TSHR: variants seen among roughly 807,000 people sequenced by gnomAD.
TSHR encodes the protein thyroid stimulating hormone receptor.
TSHR carries 51 observed loss-of-function variants against 64.1 expected under a neutral mutation model. That is an observed-to-expected ratio of 0.80 (90% CI 0.64 to 1.01). The LOEUF is 1.01. Ranked by LOEUF, TSHR falls within the 50% of genes least tolerant of loss-of-function variation. The pLI is 0.00. For synonymous variants in TSHR, 361 were observed against 361.9 expected (o/e 1.00, Z 0.03); for missense variants, 877 against 942.8 (o/e 0.93, Z 0.91).
chr14:81,021,870 A>G (rs1248908607), intron 1 of TSHR, among the ~76,000 whole-genome samples: 1 of 152,198 alleles, frequency 6.6e-6, no homozygotes, highest in African/African-American at 2.4e-5. Context: ...ACCTACCTAT[A>G]TTCTTTTCTG....
Position 80,955,674 on chromosome 14 carries a change from G to C in TSHR, c.-7G>C, listed in dbSNP as rs1045373063. 6.2e-7 allele frequency: 1 copy of C among 1,613,730 alleles called. No individual in the cohort carries two copies. The highest frequency in any genetic ancestry group is 1.3e-5 in the African/African-American group (1 of 74,918). ...GGATGGAGAAATAGCCCCGAGTCCC[G>C]TGGAAAATGAGGCCGGCGGACTTGC... On this transcript the variant is annotated 5_prime_UTR_variant, in exon 1 of 10. Coordinates refer to ENST00000298171, the MANE Select transcript of TSHR (RefSeq NM_000369.5).
chr14:81,134,797 C>T (rs942974965), intron 8 of TSHR, among the ~76,000 whole-genome samples: 1 of 152,056 alleles, frequency 6.6e-6, no homozygotes, highest in Admixed American at 6.6e-5. Context: ...ATAAACAATA[C>T]AAGAAAATTT....
intron 2 of TSHR, 57 bp downstream of exon 2, chr14:81,062,276 G>A (rs1227662812): frequency 4.5e-5 from 60 of 1,345,072 alleles, no homozygotes; most frequent in Middle Eastern, 3.7e-4. Flanking sequence ...TTCTCTAAAC[G>A]TGTTCTATCA....
intron 3 of TSHR, among the ~76,000 whole-genome samples, chr14:81,072,989 T>C (rs1887199877): frequency 2.2e-5 from 1 of 45,288 alleles, no homozygotes; most frequent in Non-Finnish European, 3.3e-5. Flanking sequence ...AGAGCGAGAC[T>C]CCGTCTCAAA....
intron 9 of TSHR, among the ~76,000 whole-genome samples, chr14:81,142,042 A>G (rs2140106541): frequency 6.6e-6 from 1 of 152,218 alleles, no homozygotes; most frequent in South Asian, 2.1e-4. Flanking sequence ...GCTAGTCAAT[A>G]ATTGAGCCAG....
intron 1 of TSHR, chr14:80,982,275 C>T (rs1888211396): frequency 3.3e-5 from 26 of 788,860 alleles, no homozygotes; most frequent in Non-Finnish European, 4.7e-5. Flanking sequence ...GGAATGAGTC[C>T]ACCAGCTCCA....
chr14:81,099,771 G>A (rs527489273), intron 7 of TSHR, among the ~76,000 whole-genome samples: 27 of 152,132 alleles, frequency 1.8e-4, no homozygotes, highest in Non-Finnish European at 3.7e-4. Context: ...CTTAGTTTAC[G>A]TATATTGACT....
intron 8 of TSHR, among the ~76,000 whole-genome samples, chr14:81,134,598 A>G (rs1189773673): frequency 6.6e-6 from 1 of 152,224 alleles, no homozygotes; most frequent in Non-Finnish European, 1.5e-5. Flanking sequence ...AGCTCTCATG[A>G]AGCTAAAATT....
chr14:81,101,156 C>T (rs1293849418), intron 7 of TSHR, among the ~76,000 whole-genome samples: 3 of 152,102 alleles, frequency 2.0e-5, no homozygotes, highest in Non-Finnish European at 1.5e-5. Context: ...CAGATAAGAC[C>T]AAATACATAT....
At chr14:80,993,518 T>C (rs1888853475) in intron 1 of TSHR, 1 of 152,208 alleles carries the variant, frequency 6.6e-6, no homozygotes, top group African/African-American at 2.4e-5. Flanking sequence ...GTAAAGTTTT[T>C]GAACAGGTAC....
intron 1 of TSHR, among the ~76,000 whole-genome samples, chr14:81,046,521 C>T (rs1409163016): frequency 6.8e-6 from 1 of 146,834 alleles, no homozygotes; most frequent in Non-Finnish European, 1.5e-5. Context: ...AAAAAAAAAA[C>T]AAAAAAATTG....
At position 81,096,680 on chromosome 14, in the gene TSHR, C is replaced by T; in HGVS notation, c.587C>T (p.Ala196Val). 1 of 1,613,804 alleles carries T rather than the reference C, an allele frequency of 6.2e-7. No individual in the cohort carries two copies. Among genetic ancestry groups the T allele is most frequent in the Non-Finnish European group, 8.5e-7 (1 of 1,179,778 alleles). ...NNGFTSVQGY[A>V]FNGTKLDAVY... ...GGCTTTACTTCAGTCCAAGGATATG[C>T]TTTCAATGGGACAAAGCTGGATGCT... is the stretch of plus-strand genomic sequence containing the variant. Residue 196 changes from alanine to valine, a missense_variant, in exon 7 of 10, where the codon GCT (alanine) becomes GTT (valine). By Grantham distance (64) the Ala-to-Val change is moderately conservative. Transcript: ENST00000298171.
rs191398390 is a variant in TSHR, at chr14:81,138,127, T to A, written c.693-1552T>A. ...CGCAAAGGTGTTTATTTATGCCAGTTTATAAATGTCTAATGTTAAAAATCA... is the reference window on the plus strand; with the variant it reads ...CGCAAAGGTGTTTATTTATGCCAGTATATAAATGTCTAATGTTAAAAATCA... On this transcript the variant is annotated intron_variant, in intron 8 of 9. Transcript: ENST00000298171. Among the ~76,000 whole-genome samples, 269 of 152,282 alleles carry A rather than the reference T, an allele frequency of 1.8e-3. 9 individuals carry two copies. In the Middle Eastern group the frequency reaches 0.027, roughly 15 times the overall value.
chr14:81,103,217 AG>A lies in TSHR; in HGVS notation c.615-5155del, dbSNP rs1357881293. ...AGTATTCACATTGTGTTTTTAACAT[AG>A]GGATGTTGCTTTTGGTGTCAATGCT... On this transcript the variant is annotated intron_variant, in intron 7 of 9. Transcript: ENST00000298171. The surrounding 1 kb of genome is among the most constrained non-coding windows in gnomAD (Gnocchi z 4.1). 2 of 985,330 alleles carry A rather than the reference AG, an allele frequency of 2.0e-6. No homozygotes were observed. Among genetic ancestry groups the A allele is most frequent in the African/African-American group, 3.5e-5 (2 of 57,258 alleles). The allele number at this position is 985,330 out of a possible 1,614,324, so 61.0% of individuals were successfully genotyped here.
At chr14:81,130,102 G>A (rs1174976413) in intron 8 of TSHR, among the ~76,000 whole-genome samples, 2 of 152,146 alleles carry the variant, frequency 1.3e-5, no homozygotes, top group East Asian at 3.9e-4. Flanking sequence ...ATATTACACG[G>A]CCTTAAAGAG....
chr14:80,969,424 A>C (rs905458058), intron 1 of TSHR, among the ~76,000 whole-genome samples: 2 of 152,210 alleles, frequency 1.3e-5, no homozygotes, highest in Non-Finnish European at 2.9e-5. Flanking sequence ...GGCCAAATCC[A>C]AAGTAATCAT....
chr14:81,070,625 C>CAAAAAAAA (rs60958301), intron 3 of TSHR, among the ~76,000 whole-genome samples: 2 of 15,820 alleles, frequency 1.3e-4, no homozygotes, highest in Non-Finnish European at 1.3e-4. Context: ...GATTCCATCT[C>CAAAAAAAA]AAAAAAAAAA....
intron 8 of TSHR, among the ~76,000 whole-genome samples, chr14:81,133,023 T>C (rs1160410378): frequency 6.6e-6 from 1 of 152,178 alleles, no homozygotes; most frequent in Non-Finnish European, 1.5e-5. Context: ...GAGGATCTCT[T>C]CAGACTGAGA....
chr14:81,073,804 T>G (rs1411481915), intron 3 of TSHR, among the ~76,000 whole-genome samples: 1 of 151,990 alleles, frequency 6.6e-6, no homozygotes, highest in African/African-American at 2.4e-5. Context: ...CCAAAGAAAG[T>G]AAAATAACAC....
Sources: gnomAD v4.1 joint callset for allele counts (sites outside exome capture counted in the v4.1 genomes callset) on GRCh38, gnomAD v4.1.1 for gene constraint, Gnocchi (gnomAD v3.1) non-coding constraint, MANE v1.5 for transcripts, NCBI Gene and HGNC (gene_info 2026-07-23, HGNC 2026-07-21) for gene names.